IMMP2L: variants seen among roughly 807,000 people sequenced by gnomAD.
The protein encoded by IMMP2L is mitochondrial inner membrane protease subunit 2.
A neutral mutation model predicts 19.3 loss-of-function variants in IMMP2L; 18 were observed. The ratio of observed to expected loss-of-function variants is 0.93; its 90% confidence interval spans 0.64 to 1.38. The LOEUF (loss-of-function observed/expected upper bound fraction) is 1.38, where lower values mean the gene tolerates loss of function less well. IMMP2L is among the 40% of genes most tolerant of loss of function. The probability of loss-of-function intolerance (pLI) is 0.00; values close to 1 mark genes in which losing one functional copy is unlikely to be tolerated. For synonymous variants in IMMP2L, 76 were observed against 73.0 expected, an observed-to-expected ratio of 1.04 and a Z score of -0.21; for missense variants, 233 against 218.2, an observed-to-expected ratio of 1.07 and a Z score of -0.43.
intron 4 of IMMP2L, among the ~76,000 whole-genome samples, chr7:110,914,123 C>T (rs1286352963): frequency 6.6e-6 from 1 of 152,168 alleles, no homozygotes; most frequent in African/African-American, 2.4e-5. Flanking sequence ...GGACCACGTC[C>T]GCATCTTGGT....
At chr7:110,706,019 G>A (rs1237152743) in intron 5 of IMMP2L, among the ~76,000 whole-genome samples, 1 of 152,056 alleles carries the variant, frequency 6.6e-6, no homozygotes, top group Non-Finnish European at 1.5e-5. Context: ...GCACTGTGAT[G>A]AATATACAAG....
At chr7:110,787,028 A>C (rs935609149) in intron 5 of IMMP2L, among the ~76,000 whole-genome samples, 2 of 152,022 alleles carry the variant, frequency 1.3e-5, no homozygotes, top group Admixed American at 1.3e-4. Flanking sequence ...TCTTACTCTA[A>C]AGCAGGAAAA....
intron 5 of IMMP2L, among the ~76,000 whole-genome samples, chr7:110,671,321 A>T (rs1791901856): frequency 6.6e-6 from 1 of 152,222 alleles, no homozygotes. Flanking sequence ...CATAAAATCA[A>T]ATGTTAATAT....
chr7:110,851,928 TCTACATCCCTACC>T (rs1806264903), intron 5 of IMMP2L, among the ~76,000 whole-genome samples: 1 of 151,984 alleles, frequency 6.6e-6, no homozygotes, highest in South Asian at 2.1e-4. Flanking sequence ...AGAGCTGGAG[TCTACATCCCTACC>T]CTTGAACATG....
intron 1 of IMMP2L, among the ~76,000 whole-genome samples, chr7:111,534,521 C>G (rs1241091165): frequency 6.6e-6 from 1 of 151,938 alleles, no homozygotes; most frequent in Non-Finnish European, 1.5e-5. Context: ...TATTTATTTG[C>G]AATGAAAGGA....
At chr7:111,047,801 C>G (rs1792556759) in intron 3 of IMMP2L, among the ~76,000 whole-genome samples, 1 of 152,176 alleles carries the variant, frequency 6.6e-6, no homozygotes, top group South Asian at 2.1e-4. Flanking sequence ...TCCAGGTGGA[C>G]TGGGACCAAA....
intron 5 of IMMP2L, among the ~76,000 whole-genome samples, chr7:110,866,977 A>G (rs1470008688): frequency 6.6e-6 from 1 of 152,060 alleles, no homozygotes; most frequent in Admixed American, 6.6e-5. Context: ...ATACCTCAAT[A>G]TACACTATTG....
chr7:110,864,200 G>A (rs1807751656), intron 5 of IMMP2L, among the ~76,000 whole-genome samples: 1 of 152,038 alleles, frequency 6.6e-6, no homozygotes, highest in South Asian at 2.1e-4. Flanking sequence ...CCAAAGTTCA[G>A]TGATTACTTT....
intron 3 of IMMP2L, among the ~76,000 whole-genome samples, chr7:111,400,656 G>T (rs1205438334): frequency 6.6e-6 from 1 of 152,030 alleles, no homozygotes; most frequent in Non-Finnish European, 1.5e-5. Flanking sequence ...TGTTAAATTT[G>T]TGTGTAGATA....
At chr7:111,369,334 T>C (rs1830068067) in intron 3 of IMMP2L, among the ~76,000 whole-genome samples, 1 of 151,974 alleles carries the variant, frequency 6.6e-6, no homozygotes, top group Admixed American at 6.6e-5. Flanking sequence ...AACATTCTCC[T>C]GAAATGTAAT....
intron 3 of IMMP2L, among the ~76,000 whole-genome samples, chr7:111,466,429 T>C (rs909553595): frequency 3.3e-5 from 5 of 152,078 alleles, no homozygotes; most frequent in African/African-American, 9.7e-5. Flanking sequence ...TCATTGATCT[T>C]TGCAAATTAT....
At chr7:110,938,477 T>A (rs1411919116) in intron 4 of IMMP2L, among the ~76,000 whole-genome samples, 1 of 152,206 alleles carries the variant, frequency 6.6e-6, no homozygotes, top group Non-Finnish European at 1.5e-5. Context: ...ACTGAAAATA[T>A]GTTTCCAATA....
chr7:111,322,234 G>A (rs1824796987), intron 3 of IMMP2L, among the ~76,000 whole-genome samples: 1 of 151,790 alleles, frequency 6.6e-6, no homozygotes, highest in Admixed American at 6.6e-5. Flanking sequence ...ATAAAAGGCT[G>A]GCCCCCAGAT....
At position 110,786,057 on chromosome 7, in the gene IMMP2L, A is replaced by T. The variant is rs1800053977; in HGVS notation, c.408+100536T>A. ...TGAAAACGATGAATTCAGAAAAAGG[A>T]TGCTTACTAGATTGCCAATTTCTGT... is the stretch of plus-strand genomic sequence containing the variant. On this transcript the variant is annotated intron_variant, in intron 5 of 5. Coordinates refer to ENST00000405709, the MANE Select transcript of IMMP2L (RefSeq NM_032549.4). Among the ~76,000 whole-genome samples the T allele has an allele frequency of 2.0e-5, 3 of 152,084 alleles. No homozygotes were observed. The South Asian group carries it at 6.2e-4, about 31-fold the overall frequency.
At position 111,234,526 on chromosome 7, in the gene IMMP2L, T is replaced by C. The variant is rs79554631; in HGVS notation, c.239+252712A>G. ...TGCCTTCTTAATGAACTAACCCTTC[T>C]ATCATTATGAGATAATCTCTTTTTT... On this transcript the variant is annotated intron_variant, in intron 3 of 5. Coordinates refer to ENST00000405709, the MANE Select transcript of IMMP2L (RefSeq NM_032549.4). Among the ~76,000 whole-genome samples the C allele has an allele frequency of 1.7e-3, 260 of 152,280 alleles. 4 individuals carry two copies. In the East Asian group the frequency reaches 0.043, roughly 25 times the overall value.
At chr7:110,946,355 A>G (rs2129553572) in intron 4 of IMMP2L, among the ~76,000 whole-genome samples, 1 of 152,284 alleles carries the variant, frequency 6.6e-6, no homozygotes, top group South Asian at 2.1e-4. Flanking sequence ...CTCTACAATA[A>G]AGTATTTCTA....
At chr7:110,909,844 G>A (rs1812850095) in intron 4 of IMMP2L, among the ~76,000 whole-genome samples, 1 of 151,192 alleles carries the variant, frequency 6.6e-6, no homozygotes, top group African/African-American at 2.4e-5. Flanking sequence ...AGAAGGGAAG[G>A]GATTCTTACT....
intron 3 of IMMP2L, among the ~76,000 whole-genome samples, chr7:111,081,181 T>C (rs1403876891): frequency 6.6e-6 from 1 of 152,210 alleles, no homozygotes; most frequent in Non-Finnish European, 1.5e-5. Flanking sequence ...CCTTAGTCAA[T>C]TCTACTGAAT....
intron 3 of IMMP2L, among the ~76,000 whole-genome samples, chr7:111,330,048 A>G (rs1825723822): frequency 6.6e-6 from 1 of 151,930 alleles, no homozygotes; most frequent in African/African-American, 2.4e-5. Context: ...AAATTCTGCA[A>G]TTAGGTAGAT....
Sources: gnomAD v4.1 joint callset for allele counts (sites outside exome capture counted in the v4.1 genomes callset) on GRCh38, gnomAD v4.1.1 for gene constraint, MANE v1.5 for transcripts, NCBI Gene and HGNC (gene_info 2026-07-23, HGNC 2026-07-21) for gene names.